MAGI2: variants seen among roughly 807,000 people sequenced by gnomAD.
MAGI2 encodes the protein membrane associated guanylate kinase, WW and PDZ domain containing 2, also known as membrane-associated guanylate kinase, WW and PDZ domain-containing protein 2.
Under a neutral mutation model 133.3 loss-of-function variants are expected in MAGI2, and 35 were observed. That is an observed-to-expected ratio of 0.26 (90% CI 0.20 to 0.35). The LOEUF (loss-of-function observed/expected upper bound fraction) is 0.35, where lower values mean the gene tolerates loss of function less well. Ranked by LOEUF, MAGI2 falls within the 10% of genes least tolerant of loss-of-function variation. MAGI2 has a pLI of 1.00. For missense variants in MAGI2, 1,636 were observed against 1,863.4 expected, an observed-to-expected ratio of 0.88 and a Z score of 2.25; for synonymous variants, 729 against 710.6, an observed-to-expected ratio of 1.03 and a Z score of -0.41.
At chr7:78,955,775 T>TTCTTTCTTTCTTTCTTTTCTG (rs1802321468) in intron 2 of MAGI2, among the ~76,000 whole-genome samples, 3 of 150,264 alleles carry the variant, frequency 2.0e-5, no homozygotes, top group East Asian at 3.9e-4. Context: ...CTTTCTTTCT[T>TTCTTTCTTTCTTTCTTTTCTG]TCTTTCTTTC....
intron 1 of MAGI2, among the ~76,000 whole-genome samples, chr7:79,363,414 A>G (rs2129125279): frequency 6.7e-6 from 1 of 150,164 alleles, no homozygotes; most frequent in East Asian, 2.0e-4. Context: ...ATATTCTCCC[A>G]AAATTACTAT....
intron 3 of MAGI2, among the ~76,000 whole-genome samples, chr7:78,590,730 T>C (rs1387684546): frequency 6.6e-6 from 1 of 152,178 alleles, no homozygotes; most frequent in African/African-American, 2.4e-5. Flanking sequence ...ACCTTTTGTA[T>C]TGGTCTGTGT....
At chr7:79,073,099 CT>C (rs1815141421) in intron 1 of MAGI2, among the ~76,000 whole-genome samples, 1 of 152,160 alleles carries the variant, frequency 6.6e-6, no homozygotes, top group East Asian at 1.9e-4. Flanking sequence ...AAAGAGCTTG[CT>C]TATGTCATCT....
At chr7:79,446,082 C>T (rs184212104) in intron 1 of MAGI2, among the ~76,000 whole-genome samples, 5 of 152,260 alleles carry the variant, frequency 3.3e-5, no homozygotes, top group East Asian at 1.9e-4. Flanking sequence ...TACCAAACAC[C>T]GCATGTTCTC....
chr7:78,786,536 G>A (rs1455464360), intron 2 of MAGI2, among the ~76,000 whole-genome samples: 1 of 152,096 alleles, frequency 6.6e-6, no homozygotes, highest in Non-Finnish European at 1.5e-5. Flanking sequence ...TTGTTCACTG[G>A]ACTCTGGCCA....
chr7:78,058,003 A>ATATATATATGTG, intron 21 of MAGI2, among the ~76,000 whole-genome samples: 1 of 117,024 alleles, frequency 8.5e-6, no homozygotes, highest in African/African-American at 3.3e-5. Flanking sequence ...ATATATATAT[A>ATATATATATGTG]TGTATGAGAA....
chr7:78,352,629 G>A (rs1482774441), intron 7 of MAGI2, among the ~76,000 whole-genome samples: 1 of 152,154 alleles, frequency 6.6e-6, no homozygotes, highest in African/African-American at 2.4e-5. Flanking sequence ...GGGTGTCTAT[G>A]TTGGGGATAT....
chr7:78,868,424 G>C (rs931269305), intron 2 of MAGI2, among the ~76,000 whole-genome samples: 9 of 152,284 alleles, frequency 5.9e-5, no homozygotes, highest in African/African-American at 1.9e-4. Context: ...AACTTAAGCA[G>C]TCTGGCACCA....
intron 6 of MAGI2, among the ~76,000 whole-genome samples, chr7:78,427,183 TA>T (rs1799360208): frequency 6.6e-6 from 1 of 151,600 alleles, no homozygotes; most frequent in South Asian, 2.1e-4. Context: ...AAAAAAGAAA[TA>T]AAAAACTAAT....
At chr7:79,040,957 A>C in intron 1 of MAGI2, among the ~76,000 whole-genome samples, 1 of 152,236 alleles carries the variant, frequency 6.6e-6, no homozygotes, top group East Asian at 1.9e-4. Flanking sequence ...AGTTATCAAT[A>C]ATAGATTATA....
intron 2 of MAGI2, among the ~76,000 whole-genome samples, chr7:78,912,782 C>CAT (rs1329053273): frequency 1.6e-4 from 22 of 141,370 alleles, no homozygotes; most frequent in South Asian, 1.1e-3. Context: ...ATATATCATT[C>CAT]ATATATATAT....
intron 10 of MAGI2, chr7:78,251,958 CAGTG>C (rs1489588745): frequency 6.6e-6 from 1 of 151,924 alleles, no homozygotes; most frequent in African/African-American, 2.4e-5. Flanking sequence ...CTGGGAAACA[CAGTG>C]AGGCTTCATC....
In MAGI2 at chr7:78,383,071, C is replaced by T. The variant is rs972825129; in HGVS notation, c.1046-13858G>A. The stretch of plus-strand genomic sequence containing the variant: ...ATTTTGAATAGTGCTGCAATAAACA[C>T]ATGAGTGTAGGTATCTCTTTGATAT... On this transcript the variant is annotated intron_variant, in intron 6 of 21. Transcript: ENST00000354212. Among the ~76,000 whole-genome samples, 9 of 152,054 alleles carry T rather than the reference C, an allele frequency of 5.9e-5. No homozygotes were observed. In the East Asian group the frequency reaches 1.7e-3, roughly 29 times the overall value.
rs187823765 is a variant in MAGI2 at position 79,388,287 on chromosome 7, T to C, written c.301+64733A>G. 3.7e-4 allele frequency among the ~76,000 whole-genome samples: 56 copies of C among 152,110 alleles called. No individual in the cohort carries two copies. In the East Asian group the frequency reaches 9.5e-3, roughly 26 times the overall value. On this transcript the variant is annotated intron_variant, in intron 1 of 21. Transcript: ENST00000354212. ...AACTTTTCTATTGCATTCATTGAAA[T>C]GTATCCTAAGCTTACTTACTTTTAG...
At chr7:78,814,819 CTCAAATGA>C (rs2151416946) in intron 2 of MAGI2, among the ~76,000 whole-genome samples, 1 of 152,238 alleles carries the variant, frequency 6.6e-6, no homozygotes, top group African/African-American at 2.4e-5. Flanking sequence ...ACCTCCTGGG[CTCAAATGA>C]TCTTCCTGCT....
chr7:78,921,932 C>T lies in MAGI2; in HGVS notation c.418+85158G>A, dbSNP rs541506675. 9.9e-5 allele frequency among the ~76,000 whole-genome samples: 15 copies of T among 152,156 alleles called. 1 individual carries two copies. In the East Asian group the frequency reaches 2.7e-3, roughly 28 times the overall value. On this transcript the variant is annotated intron_variant, in intron 2 of 21. Transcript: ENST00000354212. ...TATAGGTGTGAGCCACTGTGTCCGG[C>T]CCAGATTTTAATATTCTAATACCAT...
At chr7:78,538,362 G>A (rs1408930469) in intron 3 of MAGI2, among the ~76,000 whole-genome samples, 2 of 152,184 alleles carry the variant, frequency 1.3e-5, no homozygotes, top group African/African-American at 2.4e-5. Flanking sequence ...GTTCTGTGAA[G>A]AATGGTGGTG....
At position 78,078,775 on chromosome 7, in the gene MAGI2, C is replaced by T. The variant is rs759639196; in HGVS notation, c.3706+172G>A. 335 of 594,214 alleles carry T rather than the reference C, an allele frequency of 5.6e-4. 2 individuals carry two copies. Among genetic ancestry groups the T allele is most frequent in the Non-Finnish European group, 1.1e-4 (39 of 348,816 alleles). The allele number at this position is 594,214 out of a possible 1,614,324, so 36.8% of individuals were successfully genotyped here. ...CATTTATTTCCTGGGCATAAACATACGTGTGTGTGTGTATGTGTGTGTGTG... is the reference window on the plus strand; with the variant it reads ...CATTTATTTCCTGGGCATAAACATATGTGTGTGTGTGTATGTGTGTGTGTG... On this transcript the variant is annotated intron_variant, in intron 21 of 21. Coordinates refer to ENST00000354212, the MANE Select transcript of MAGI2 (RefSeq NM_012301.4).
At chr7:78,291,742 G>A (rs1257822911) in intron 9 of MAGI2, among the ~76,000 whole-genome samples, 1 of 152,166 alleles carries the variant, frequency 6.6e-6, no homozygotes, top group Non-Finnish European at 1.5e-5. Flanking sequence ...CCATGATCAA[G>A]TGGGCTTCAT....
Sources: gnomAD v4.1 joint callset for allele counts (sites outside exome capture counted in the v4.1 genomes callset) on GRCh38, gnomAD v4.1.1 for gene constraint, MANE v1.5 for transcripts, NCBI Gene and HGNC (gene_info 2026-07-23, HGNC 2026-07-21) for gene names.